Variants in SYNPO observed in about 807,000 individuals in gnomAD.
The protein encoded by SYNPO is synaptopodin.
In SYNPO, 19 loss-of-function variants were observed where a neutral mutation model predicts 49.5. The observed-to-expected ratio is 0.38, with a 90% CI of 0.27 to 0.56. The LOEUF is 0.56. SYNPO is among the 20% of genes least tolerant of loss of function. The probability of loss-of-function intolerance (pLI) is 0.68; values close to 1 mark genes in which losing one functional copy is unlikely to be tolerated. For missense variants in SYNPO, 1,131 were observed against 1,248.3 expected (o/e 0.91, Z 1.42); for synonymous variants, 536 against 548.0 (o/e 0.98, Z 0.31).
intron 2 of SYNPO, among the ~76,000 whole-genome samples, chr5:150,620,784 G>T (rs1234758682): frequency 1.3e-5 from 2 of 152,286 alleles, no homozygotes; most frequent in Non-Finnish European, 2.9e-5. Flanking sequence ...CTGAGGCTCA[G>T]AGATTTAAGT....
chr5:150,633,966 A>G (rs1383649325), intron 2 of SYNPO, among the ~76,000 whole-genome samples: 2 of 151,994 alleles, frequency 1.3e-5, no homozygotes, highest in Non-Finnish European at 1.5e-5. Flanking sequence ...TATTAAAATA[A>G]AAATTAAAAA....
chr5:150,601,396 G>A (rs1010749642), intron 1 of SYNPO, among the ~76,000 whole-genome samples: 6 of 152,126 alleles, frequency 3.9e-5, no homozygotes, highest in Non-Finnish European at 4.4e-5. Flanking sequence ...CCCAGGCAGC[G>A]GGGCAGAGAC....
At chr5:150,590,454 G>T in the SYNPO span, among the ~76,000 whole-genome samples, 1 of 152,258 alleles carries the variant, frequency 6.6e-6, no homozygotes, top group East Asian at 1.9e-4. Context: ...AGCTCTGGTG[G>T]TGATCAGACG....
In SYNPO at chr5:150,650,304, G is replaced by A; in HGVS notation, c.2028+1G>A. 1 of 1,614,128 alleles carries A rather than the reference G, an allele frequency of 6.2e-7. No homozygotes were observed. The highest frequency in any genetic ancestry group is 8.5e-7 in the Non-Finnish European group (1 of 1,180,022). On this transcript the variant is annotated splice_donor_variant, in intron 2 of 2. Transcript: ENST00000307662. LOFTEE classifies it high-confidence loss of function. The stretch of plus-strand genomic sequence containing the variant: ...CCGGAACGCCGGGATCGAGGCTCAG[G>A]TGTGGAAGCCTTCCTTCTGCTTCAA...
upstream of SYNPO, among the ~76,000 whole-genome samples, chr5:150,637,411 A>T (rs931725631): frequency 1.3e-5 from 2 of 152,242 alleles, no homozygotes; most frequent in African/African-American, 2.4e-5. Context: ...AAAAATGATA[A>T]CACTGAAACC....
the SYNPO span, among the ~76,000 whole-genome samples, chr5:150,590,027 C>T: frequency 6.6e-6 from 1 of 152,256 alleles, no homozygotes; most frequent in Admixed American, 6.5e-5. Context: ...CGAAGTTCAG[C>T]CAAAGCCCGC....
Position 150,648,555 on chromosome 5 carries a change from A to G in SYNPO, c.280A>G (p.Thr94Ala), listed in dbSNP as rs764040108. The G allele has an allele frequency of 3.7e-6, 6 of 1,614,004 alleles. No individual in the cohort carries two copies. Among genetic ancestry groups the G allele is most frequent in the Admixed American group, 1.7e-5 (1 of 60,000 alleles). Residue 94 changes from threonine (T) to alanine (A), a missense_variant, in exon 2 of 3, where the codon ACC becomes GCC. Thr to Ala is a moderately conservative substitution (Grantham distance 58). Coordinates refer to ENST00000307662, the MANE Select transcript of SYNPO (RefSeq NM_007286.6). The surrounding 1 kb of genome is among the most constrained non-coding windows in gnomAD (Gnocchi z 5.0). ...TAACAGCAGCCACAATCCGCCAGCC[A>G]CCGATGTCAATCAGAACCCACCGGC... ...TSNSSHNPPATDVNQNPPATV... is the reference protein window; with the variant it reads ...TSNSSHNPPAADVNQNPPATV...
rs1758562742 is a variant in SYNPO at position 150,656,590 on chromosome 5, C to A, written c.2215C>A (p.Pro739Thr). ...SPSWSERSVS[P>T]LRPETEARPP... ...CTCGTGGAGCGAGCGCTCGGTGTCC[C>A]CGCTGCGACCTGAGACCGAGGCGCG... The change falls in exon 3 of 3, where the codon CCG becomes ACG. Residue 739 changes from proline to threonine, a missense_variant. Pro to Thr is a conservative substitution (Grantham distance 38). Around this residue, in one of 4 missense-constraint regions of SYNPO, gnomAD observed 509 missense variants for 484.5 expected, o/e 1.05. Transcript: ENST00000307662. The A allele has an allele frequency of 1.3e-6, 2 of 1,520,406 alleles. No homozygotes were observed. Among genetic ancestry groups the A allele is most frequent in the Non-Finnish European group, 1.8e-6 (2 of 1,141,372 alleles). 94.2% of individuals were successfully genotyped at this position (1,520,406 alleles called of 1,614,324 possible).
intron 2 of SYNPO, among the ~76,000 whole-genome samples, chr5:150,622,755 C>G (rs1324634999): frequency 2.0e-5 from 3 of 152,160 alleles, no homozygotes; most frequent in Non-Finnish European, 2.9e-5. Context: ...GGAGCAGGAG[C>G]CTGGGCAGGA....
At chr5:150,586,967 A>AGTATG in the SYNPO span, among the ~76,000 whole-genome samples, 1 of 152,012 alleles carries the variant, frequency 6.6e-6, no homozygotes, top group African/African-American at 2.4e-5. Context: ...TGCACGGATG[A>AGTATG]GTATGTAGAT....
At position 150,618,426 on chromosome 5, in the gene SYNPO, C is replaced by G. The variant is rs541450332; in HGVS notation, c.59C>G (p.Pro20Arg). Residue 20 changes from proline (P) to arginine (R), a missense_variant, in exon 2 of 3, where the codon CCC becomes CGC. By Grantham distance (103) the Pro-to-Arg change is moderately radical. Transcript: ENST00000394243. ...GCACCCAGCGAAGGGAGGCCTACCC[C>G]CTGCGCCTTCCAGATCCCTGATGGA... 35 of 1,551,664 alleles carry G rather than the reference C, an allele frequency of 2.3e-5. No homozygotes were observed. The East Asian group carries it at 7.6e-4, about 34-fold the overall frequency.
chr5:150,615,649 G>A (rs944351838), intron 1 of SYNPO, among the ~76,000 whole-genome samples: 1 of 152,236 alleles, frequency 6.6e-6, no homozygotes, highest in Non-Finnish European at 1.5e-5. Flanking sequence ...TCTTCTGAGT[G>A]CTGCTGGCCT....
chr5:150,640,733 G>A lies in SYNPO; in HGVS notation c.-454G>A, dbSNP rs1757873182. The stretch of plus-strand genomic sequence containing the variant: ...GCTCCTTCATGTTGCTGCCGATGTG[G>A]GATTTTCCTGGCTTCGTCAGCCAAG... On this transcript the variant is annotated 5_prime_UTR_variant, in exon 1 of 3. The change creates a premature stop within an existing upstream ORF in the 5' untranslated region. Coordinates refer to ENST00000307662, the MANE Select transcript of SYNPO (RefSeq NM_007286.6). 1.0e-6 allele frequency: 1 copy of A among 985,504 alleles called. No homozygotes were observed. The highest frequency in any genetic ancestry group is 4.7e-5 in the South Asian group (1 of 21,296). The allele number at this position is 985,504 out of a possible 1,614,324, so 61.0% of individuals were successfully genotyped here. A position where few individuals can be genotyped will look rare whatever the true frequency, so the allele number is the denominator to read the frequency against.
chr5:150,590,122 T>C, the SYNPO span, among the ~76,000 whole-genome samples: 111 of 152,380 alleles, frequency 7.3e-4, no homozygotes, highest in African/African-American at 2.6e-3. Context: ...TCATGTTTCC[T>C]ATTATTTTAC....
rs1408722042 is a variant in SYNPO at position 150,649,021 on chromosome 5, G to A, written c.746G>A (p.Gly249Glu). 4 of 1,614,212 alleles carry A rather than the reference G, an allele frequency of 2.5e-6. No individual in the cohort carries two copies. Among genetic ancestry groups the A allele is most frequent in the Non-Finnish European group, 2.5e-6 (3 of 1,180,040 alleles). The change falls in exon 2 of 3, where the codon GGG (glycine) becomes GAG (glutamate). Residue 249 changes from glycine to glutamate, a missense_variant. By Grantham distance (98) the Gly-to-Glu change is moderately conservative. Around this residue, in one of 4 missense-constraint regions of SYNPO, gnomAD observed 602 missense variants for 720.7 expected, o/e 0.84. Transcript: ENST00000307662. ...TARPFGIQAP[G>E]GTSQMERSPM... ...AGGCCTTTTGGGATCCAGGCGCCAG[G>A]GGGCACCAGCCAGATGGAGAGGAGC...
the SYNPO span, among the ~76,000 whole-genome samples, chr5:150,586,261 G>A: frequency 2.0e-5 from 3 of 152,206 alleles, no homozygotes; most frequent in Non-Finnish European, 4.4e-5. Flanking sequence ...TGATAAGCTC[G>A]TTAAACCACA....
chr5:150,630,273 C>T (rs1757493534), intron 2 of SYNPO, among the ~76,000 whole-genome samples: 1 of 152,212 alleles, frequency 6.6e-6, no homozygotes, highest in African/African-American at 2.4e-5. Flanking sequence ...CAGTCTGGCA[C>T]ACCGCCACCA....
intron 1 of SYNPO, among the ~76,000 whole-genome samples, chr5:150,601,836 C>T (rs1011972544): frequency 1.3e-5 from 2 of 152,200 alleles, no homozygotes; most frequent in Admixed American, 1.3e-4. Context: ...CAGCCCAGCT[C>T]AGTCTTCTGG....
upstream of SYNPO, among the ~76,000 whole-genome samples, chr5:150,600,369 C>G (rs148318636): frequency 5.8e-3 from 883 of 152,382 alleles, 7 homozygotes; most frequent in Non-Finnish European, 9.8e-3. Flanking sequence ...GCCCACACAA[C>G]AGCCCTCCCT....
Sources: allele counts gnomAD v4.1 joint callset (sites outside exome capture counted in the v4.1 genomes callset), GRCh38; gene constraint gnomAD v4.1.1; regional missense constraint gnomAD v4.1.1; non-coding constraint Gnocchi (gnomAD v3.1); transcripts MANE v1.5; gene names NCBI Gene and HGNC (gene_info 2026-07-23, HGNC 2026-07-21).